STARD8: variants seen among roughly 807,000 people sequenced by gnomAD.
STARD8 encodes the protein StAR related lipid transfer domain containing 8.
Under a neutral mutation model 69.4 loss-of-function variants are expected in STARD8, and 25 were observed. The ratio of observed to expected loss-of-function variants is 0.36; its 90% CI spans 0.26 to 0.50. The LOEUF (loss-of-function observed/expected upper bound fraction) is 0.50. Among genes scored for constraint, STARD8 ranks in the 20% least tolerant of loss-of-function variants. The pLI is 0.96. For missense variants in STARD8, 921 were observed against 932.5 expected (o/e 0.99, Z 0.16); for synonymous variants, 389 against 374.6 (o/e 1.04, Z -0.45).
At chrX:68,652,914 A>C (rs1258098091) in intron 1 of STARD8, among the ~76,000 whole-genome samples, 18 of 30,276 alleles carry the variant, frequency 5.9e-4, no homozygotes, top group Admixed American at 1.0e-3. Flanking sequence ...ACACCACACC[A>C]CACACACACA....
chrX:68,652,974 A>C (rs1602534380), intron 1 of STARD8, among the ~76,000 whole-genome samples: 2 of 53,176 alleles, frequency 3.8e-5, no homozygotes, highest in African/African-American at 1.5e-4. Flanking sequence ...ACCACACACC[A>C]CACACCACAC....
At chrX:68,665,605 C>T (rs1023152047) in intron 2 of STARD8, 73 bp downstream of exon 2, 4 of 1,079,017 alleles carry the variant, frequency 3.7e-6, no homozygotes, top group Non-Finnish European at 5.1e-6. Context: ...CATGGGGCAA[C>T]CGATCAGGTC....
At chrX:68,694,605 C>T (rs1026015574) in intron 2 of STARD8, among the ~76,000 whole-genome samples, 1 of 111,230 alleles carries the variant, frequency 9.0e-6, no homozygotes, top group Non-Finnish European at 1.9e-5. Flanking sequence ...CTGTGTGGGC[C>T]ATAGTGTTTT....
At chrX:68,679,517 C>A (rs949660956) in intron 2 of STARD8, among the ~76,000 whole-genome samples, 1 of 112,224 alleles carries the variant, frequency 8.9e-6, no homozygotes, top group Non-Finnish European at 1.9e-5. Flanking sequence ...ATCACTTGGT[C>A]AAAGAGAACA....
chrX:68,664,743 G>A (rs780608046), intron 1 of STARD8, among the ~76,000 whole-genome samples: 2 of 111,836 alleles, frequency 1.8e-5, no homozygotes, highest in African/African-American at 6.5e-5. Flanking sequence ...CTTATTTATT[G>A]TTTGTCTCTT....
intron 2 of STARD8, among the ~76,000 whole-genome samples, chrX:68,705,636 G>A (rs747479281): frequency 2.9e-4 from 33 of 112,599 alleles, no homozygotes; most frequent in Non-Finnish European, 5.6e-4. Context: ...CAGAGGGGCC[G>A]GAGGCCCCAG....
In STARD8 at chrX:68,724,386, C is replaced by A. The variant is rs1230093991; in HGVS notation, c.3276C>A (p.Pro1092=). Residue 1092 remains proline, a synonymous_variant, in exon 15 of 15, where the codon CCC becomes CCA. Transcript: ENST00000374599. ...MEVAKIRDSF[P]TLQAAGPETK... is the part of the protein sequence containing the mutation. ...TGGCAAAGATCCGGGACTCCTTCCC[C>A]ACCCTGCAGGCAGCGGGCCCTGAGA... The A allele has an allele frequency of 1.7e-6, 2 of 1,206,053 alleles. No homozygotes were observed. Among genetic ancestry groups the A allele is most frequent in the Non-Finnish European group, 2.2e-6 (2 of 892,584 alleles).
intron 2 of STARD8, among the ~76,000 whole-genome samples, chrX:68,683,197 TG>T (rs1363554619): frequency 6.5e-5 from 7 of 107,332 alleles, no homozygotes; most frequent in African/African-American, 2.6e-4. Context: ...ATCATCCTGG[TG>T]GGAAGTGGTG....
intron 1 of STARD8, among the ~76,000 whole-genome samples, chrX:68,664,055 T>A (rs1481798975): frequency 9.0e-6 from 1 of 111,639 alleles, no homozygotes; most frequent in Non-Finnish European, 1.9e-5. Context: ...TGGTCAAGTG[T>A]CTGCACCTGG....
chrX:68,697,575 C>T (rs2079930463), intron 2 of STARD8, among the ~76,000 whole-genome samples: 1 of 112,850 alleles, frequency 8.9e-6, no homozygotes, highest in African/African-American at 3.2e-5. Context: ...GGCCCCTCCC[C>T]TGCGCCTGGC....
chrX:68,647,852 CGCCG>C lies in STARD8; in HGVS notation c.-27_-24del, dbSNP rs773846373. ...GAGGAGCCGGTGCCCGGCACAGCCC[CGCCG>C]GCCCTAGAAGCTCCCCACGCGCCAC... On this transcript the variant is annotated 5_prime_UTR_variant, in exon 1 of 15. Coordinates refer to ENST00000374599, the MANE Select transcript of STARD8 (RefSeq NM_001142503.3). 11 of 1,188,386 alleles carry C rather than the reference CGCCG, an allele frequency of 9.3e-6. No individual in the cohort carries two copies. Among genetic ancestry groups the C allele is most frequent in the Admixed American group, 2.4e-5 (1 of 42,528 alleles).
intron 2 of STARD8, among the ~76,000 whole-genome samples, chrX:68,698,299 G>A (rs973086748): frequency 9.0e-6 from 1 of 111,153 alleles, no homozygotes; most frequent in East Asian, 2.8e-4. Context: ...GGGGTAGGGG[G>A]GTGTTTCTAG....
chrX:68,673,187 G>A (rs758939285), intron 2 of STARD8, among the ~76,000 whole-genome samples: 6 of 111,815 alleles, frequency 5.4e-5, no homozygotes, highest in Non-Finnish European at 9.4e-5. Flanking sequence ...GCCCAAGAAA[G>A]AGTCCAAGTC....
rs1364219582 is a variant in STARD8, at chrX:68,725,504, C to G, written c.*1082C>G. The G allele has an allele frequency of 1.9e-5, 2 of 107,617 alleles. No homozygotes were observed. Among genetic ancestry groups the G allele is most frequent in the African/African-American group, 6.9e-5 (2 of 29,138 alleles). The allele number at this position is 107,617 out of a possible 1,213,427, so 8.9% of individuals were successfully genotyped here. ...CTGAAATGAGATGGGTCCCAACCAC[C>G]ACTGTAATTTTCAAGCCTATTTTAT... is the stretch of plus-strand genomic sequence containing the variant. On this transcript the variant is annotated 3_prime_UTR_variant, in exon 15 of 15. Coordinates refer to ENST00000374599, the MANE Select transcript of STARD8 (RefSeq NM_001142503.3).
chrX:68,709,123 T>G (rs2080030580), intron 2 of STARD8, among the ~76,000 whole-genome samples: 1 of 112,489 alleles, frequency 8.9e-6, no homozygotes, highest in African/African-American at 3.2e-5. Flanking sequence ...TGGTGTATTG[T>G]GGGGAGCCAA....
chrX:68,658,329 T>G (rs749630406), intron 1 of STARD8, among the ~76,000 whole-genome samples: 21 of 112,328 alleles, frequency 1.9e-4, no homozygotes, highest in African/African-American at 5.8e-4. Flanking sequence ...ACACAGCTAT[T>G]AAGTGGTGAA....
At chrX:68,668,131 TTC>T (rs1289837206) in intron 2 of STARD8, among the ~76,000 whole-genome samples, 2 of 100,955 alleles carry the variant, frequency 2.0e-5, no homozygotes, top group South Asian at 4.7e-4. Flanking sequence ...CTTTCTTTCT[TTC>T]TCTTTCTTTT....
At chrX:68,655,882 C>T (rs922637588) in intron 1 of STARD8, among the ~76,000 whole-genome samples, 7 of 111,751 alleles carry the variant, frequency 6.3e-5, no homozygotes, top group African/African-American at 2.3e-4. Flanking sequence ...CTGTAAAAGC[C>T]TGTTACAAGG....
rs1186172761 is a variant in STARD8, at chrX:68,715,337, C to T, written c.195C>T (p.His65=). ...PLDIGSVKKN[H]GFLDEDSLGA... is the part of the protein sequence containing the mutation. ...ATATTGGCTCTGTGAAGAAAAACCA[C>T]GGTTTTCTGGACGAGGACTCTTTGG... Residue 65 remains histidine, a synonymous_variant, in exon 4 of 15, where the codon CAC becomes CAT. Coordinates refer to ENST00000374599, the MANE Select transcript of STARD8 (RefSeq NM_001142503.3). 7 of 1,208,179 alleles carry T rather than the reference C, an allele frequency of 5.8e-6. No homozygotes were observed. Among genetic ancestry groups the T allele is most frequent in the South Asian group, 5.4e-5 (3 of 55,987 alleles).
Sources: allele counts gnomAD v4.1 joint callset (sites outside exome capture counted in the v4.1 genomes callset), GRCh38; gene constraint gnomAD v4.1.1; transcripts MANE v1.5; gene names NCBI Gene and HGNC (gene_info 2026-07-23, HGNC 2026-07-21).